FOXN2: variants seen among roughly 807,000 people sequenced by gnomAD.
FOXN2 encodes the protein forkhead box N2.
In FOXN2, 19 loss-of-function variants were observed where a neutral mutation model predicts 41.2. That is an observed-to-expected ratio of 0.46 (90% confidence interval 0.32 to 0.68). FOXN2 has a LOEUF of 0.68. Ranked by LOEUF, FOXN2 falls within the 30% of genes least tolerant of loss-of-function variation. FOXN2 has a pLI of 0.03. For missense variants in FOXN2, 587 were observed against 509.4 expected (o/e 1.15, Z -1.47); for synonymous variants, 195 against 176.8 (o/e 1.10, Z -0.82).
rs899466036 is a variant in FOXN2, at chr2:48,374,287, A to G, written c.773-633A>G. The stretch of plus-strand genomic sequence containing the variant: ...GAGGAAATATATGTGGGCAATACAC[A>G]TGTGAAAAGATGTGTAACTTCGCTA... On this transcript the variant is annotated intron_variant, in intron 6 of 6. Coordinates refer to ENST00000340553, the MANE Select transcript of FOXN2 (RefSeq NM_002158.4). 2.0e-5 allele frequency among the ~76,000 whole-genome samples: 3 copies of G among 152,322 alleles called. No homozygotes were observed. The South Asian group carries it at 6.2e-4, about 32-fold the overall frequency.
intron 4 of FOXN2, among the ~76,000 whole-genome samples, chr2:48,360,308 T>G (rs1045686429): frequency 5.9e-5 from 9 of 152,156 alleles, no homozygotes; most frequent in African/African-American, 2.2e-4. Context: ...GGCTAACTTG[T>G]TTTTTGAAAA....
intron 1 of FOXN2, among the ~76,000 whole-genome samples, chr2:48,319,135 C>T (rs1371071413): frequency 6.7e-6 from 1 of 149,216 alleles, no homozygotes; most frequent in Admixed American, 6.8e-5. Context: ...GGTATTGGTG[C>T]TTCTGCCACT....
At chr2:48,346,906 T>C (rs1357519303) in intron 3 of FOXN2, among the ~76,000 whole-genome samples, 155 bp downstream of exon 3, 1 of 152,210 alleles carries the variant, frequency 6.6e-6, no homozygotes, top group East Asian at 1.9e-4. Flanking sequence ...CTTGAGATGT[T>C]TTAAAATTTC....
rs761175861 is a variant in FOXN2, at chr2:48,375,314, A to G, written c.1167A>G (p.Thr389=). The change falls in exon 7 of 7, where the codon ACA becomes ACG. Residue 389 remains threonine, a synonymous_variant. Coordinates refer to ENST00000340553, the MANE Select transcript of FOXN2 (RefSeq NM_002158.4). ...CAGGCAAAAAGATGCGAAAACAGAC[A>G]TGTCAAGAAATTGATGAGGAGCTCA... ...GQSGKKMRKQ[T]CQEIDEELKE... 5.0e-6 allele frequency: 8 copies of G among 1,613,898 alleles called. No homozygotes were observed. The highest frequency in any genetic ancestry group is 6.8e-6 in the Non-Finnish European group (8 of 1,179,932).
upstream of FOXN2, among the ~76,000 whole-genome samples, chr2:48,313,736 T>C (rs1668696255): frequency 6.6e-6 from 1 of 152,218 alleles, no homozygotes; most frequent in Non-Finnish European, 1.5e-5. Flanking sequence ...ATCTGTAAAG[T>C]TTCCACTTCT....
chr2:48,328,517 A>G (rs1234571968), intron 1 of FOXN2, 44 bp from the exon 2 acceptor site: 2 of 152,224 alleles, frequency 1.3e-5, no homozygotes, highest in Non-Finnish European at 2.9e-5. Flanking sequence ...TTCGTTACAG[A>G]CACAACCAAC....
At chr2:48,330,633 C>T (rs1177586363) in intron 2 of FOXN2, among the ~76,000 whole-genome samples, 1 of 151,748 alleles carries the variant, frequency 6.6e-6, no homozygotes, top group Non-Finnish European at 1.5e-5. Flanking sequence ...GCTCTTTTGA[C>T]ATTTGTGAAA....
At position 48,346,588 on chromosome 2, in the gene FOXN2, T is replaced by C; in HGVS notation, c.374T>C (p.Ile125Thr). 2 of 1,614,088 alleles carry C rather than the reference T, an allele frequency of 1.2e-6. No homozygotes were observed. Among genetic ancestry groups the C allele is most frequent in the Non-Finnish European group, 1.7e-6 (2 of 1,179,990 alleles). ...TTTAGTCTTCTCATTTATATGGCCA[T>C]TGAGCACTCTCCAAATAAATGTTTG... ...YSFSLLIYMA[I>T]EHSPNKCLPV... The change falls in exon 3 of 7, where the codon ATT (isoleucine) becomes ACT (threonine). Residue 125 changes from isoleucine to threonine, a missense_variant. Ile to Thr is a moderately conservative substitution (Grantham distance 89). Transcript: ENST00000340553.
intron 5 of FOXN2, among the ~76,000 whole-genome samples, chr2:48,365,914 A>C (rs186788205): frequency 1.7e-3 from 252 of 152,308 alleles, no homozygotes; most frequent in African/African-American, 5.8e-3. Context: ...TTGCCTCTTT[A>C]TATTATTTCT....
rs1222308922 is a variant in FOXN2 at position 48,376,622 on chromosome 2, A to C, written c.*1179A>C. The stretch of plus-strand genomic sequence containing the variant: ...TATAGTGCCATTGATCCATGAGAAA[A>C]AGATTTTCTGGTACTACTCCAAAAG... On this transcript the variant is annotated 3_prime_UTR_variant, in exon 7 of 7. Transcript: ENST00000340553. 1 of 152,520 alleles carries C rather than the reference A, an allele frequency of 6.6e-6. No individual in the cohort carries two copies. The highest frequency in any genetic ancestry group is 1.5e-5 in the Non-Finnish European group (1 of 67,938). 9.4% of individuals were successfully genotyped at this position (152,520 alleles called of 1,614,324 possible).
chr2:48,334,148 G>C (rs942322274), intron 2 of FOXN2, among the ~76,000 whole-genome samples: 1 of 152,008 alleles, frequency 6.6e-6, no homozygotes, highest in African/African-American at 2.4e-5. Flanking sequence ...AAAAAATCTC[G>C]TTTTGAGAAT....
chr2:48,356,059 G>C (rs1380504389), intron 3 of FOXN2, among the ~76,000 whole-genome samples: 4 of 152,132 alleles, frequency 2.6e-5, no homozygotes, highest in African/African-American at 9.7e-5. Context: ...CGGAGGCAGA[G>C]GTTGCAGTGA....
intron 3 of FOXN2, among the ~76,000 whole-genome samples, chr2:48,349,171 C>G (rs1671296540): frequency 6.6e-6 from 1 of 152,154 alleles, no homozygotes; most frequent in African/African-American, 2.4e-5. Flanking sequence ...CTCTGTCTCA[C>G]AAAACAAAAC....
intron 3 of FOXN2, among the ~76,000 whole-genome samples, chr2:48,354,671 A>G (rs1258382439): frequency 6.6e-6 from 1 of 152,246 alleles, no homozygotes; most frequent in Non-Finnish European, 1.5e-5. Context: ...GCTTTTGCTA[A>G]ATGTGGAGTT....
chr2:48,335,347 G>T (rs536666801), intron 2 of FOXN2, among the ~76,000 whole-genome samples: 2 of 152,070 alleles, frequency 1.3e-5, no homozygotes, highest in Non-Finnish European at 2.9e-5. Context: ...TGAAAAGTTA[G>T]CATAATGAAA....
rs1673223604 is a variant in FOXN2, at chr2:48,375,916, T to G, written c.*473T>G. 2.0e-5 allele frequency: 3 copies of G among 152,966 alleles called. No individual in the cohort carries two copies. Among genetic ancestry groups the G allele is most frequent in the Admixed American group, 1.9e-4 (3 of 15,388 alleles). 9.5% of individuals were successfully genotyped at this position (152,966 alleles called of 1,614,324 possible). A position where few individuals can be genotyped will look rare whatever the true frequency, so the allele number is the denominator to read the frequency against. On this transcript the variant is annotated 3_prime_UTR_variant, in exon 7 of 7. Coordinates refer to ENST00000340553, the MANE Select transcript of FOXN2 (RefSeq NM_002158.4). ...CCGGTAACATAAGATTGAAATTTTT[T>G]TACTTTGTCTTAATTTGTTTCTAAT...
intron 2 of FOXN2, among the ~76,000 whole-genome samples, chr2:48,343,716 G>A (rs914110981): frequency 5.9e-5 from 9 of 151,434 alleles, no homozygotes; most frequent in African/African-American, 1.9e-4. Flanking sequence ...CCATGATATC[G>A]CCACTGTACT....
chr2:48,343,961 A>T (rs1414896519), intron 2 of FOXN2, among the ~76,000 whole-genome samples: 1 of 152,174 alleles, frequency 6.6e-6, no homozygotes, highest in Non-Finnish European at 1.5e-5. Flanking sequence ...GTAATGGAAG[A>T]TAGATGGAGA....
At position 48,373,297 on chromosome 2, in the gene FOXN2, G is replaced by C. The variant is rs1341712354; in HGVS notation, c.709G>C (p.Asp237His). The C allele has an allele frequency of 6.3e-7, 1 of 1,589,178 alleles. No homozygotes were observed. Among genetic ancestry groups the C allele is most frequent in the East Asian group, 2.3e-5 (1 of 43,760 alleles). ...ATTACTTTTTCCCTTTTCAGAATCT[G>C]ATATTGATGCTGCTGCTGCAATGAT... The part of the protein sequence containing the change: ...QNQVRNLKES[D>H]IDAAAAMMLL... The change falls in exon 6 of 7, where the codon GAT becomes CAT. Residue 237 changes from aspartate to histidine, a missense_variant. Asp to His is a moderately conservative substitution (Grantham distance 81). Transcript: ENST00000340553.
Sources: gnomAD v4.1 joint callset for allele counts (sites outside exome capture counted in the v4.1 genomes callset) on GRCh38, gnomAD v4.1.1 for gene constraint, MANE v1.5 for transcripts, NCBI Gene and HGNC (gene_info 2026-07-23, HGNC 2026-07-21) for gene names.